Variants in RDH12 observed in about 807,000 individuals in gnomAD.
The protein encoded by RDH12 is retinol dehydrogenase 12, also known as all-trans and 9-cis retinol dehydrogenase.
In RDH12, 21 loss-of-function variants were observed where a neutral mutation model predicts 34.0. The observed-to-expected ratio is 0.62, with a 90% CI of 0.44 to 0.89. The LOEUF is 0.89. RDH12 is among the 40% of genes least tolerant of loss of function. The pLI is 0.00. For synonymous variants in RDH12, 198 were observed against 169.9 expected (o/e 1.17, Z -1.29); for missense variants, 394 against 398.6 (o/e 0.99, Z 0.10).
At chr14:67,709,987 C>T (rs1165772468) in intron 1 of RDH12, among the ~76,000 whole-genome samples, 1 of 152,194 alleles carries the variant, frequency 6.6e-6, no homozygotes, top group Admixed American at 6.5e-5. Context: ...AAAGGCTAAT[C>T]AGAAACTCAA....
chr14:67,704,985 G>C (rs1416989703), intron 1 of RDH12, among the ~76,000 whole-genome samples: 1 of 152,232 alleles, frequency 6.6e-6, no homozygotes, highest in African/African-American at 2.4e-5. Flanking sequence ...GCAGGTCTAG[G>C]TAGTCCAGGG....
chr14:67,722,323 G>C (rs980391053), intron 2 of RDH12, 101 bp from the exon 3 acceptor site: 1 of 457,334 alleles, frequency 2.2e-6, no homozygotes, highest in Non-Finnish European at 4.0e-6. Flanking sequence ...AAACAATTGA[G>C]GATGGGGGGT....
At chr14:67,702,620 G>A (rs971611003) in intron 1 of RDH12, among the ~76,000 whole-genome samples, 2 of 152,064 alleles carry the variant, frequency 1.3e-5, no homozygotes, top group Non-Finnish European at 2.9e-5. Context: ...TAATTTTAAA[G>A]CCAGTTTATT....
At chr14:67,731,207 C>CTTTTTTTTTTTTTTT (rs71129853) in intron 8 of RDH12, among the ~76,000 whole-genome samples, 5 of 90,612 alleles carry the variant, frequency 5.5e-5, no homozygotes, top group African/African-American at 9.8e-5. Context: ...TTCTTTCTTT[C>CTTTTTTTTTTTTTTT]TTTTTTTTTT....
At chr14:67,707,062 T>C (rs1196734156) in intron 1 of RDH12, among the ~76,000 whole-genome samples, 1 of 152,234 alleles carries the variant, frequency 6.6e-6, no homozygotes, top group East Asian at 1.9e-4. Context: ...TTTATGTATG[T>C]AAATAGGTTG....
At chr14:67,722,857 G>C in intron 3 of RDH12, 147 bp downstream of exon 3, 1 of 769,872 alleles carries the variant, frequency 1.3e-6, no homozygotes, top group Non-Finnish European at 2.3e-6. Flanking sequence ...GGGTGTTGTG[G>C]ATACCATGGT....
At chr14:67,727,450 C>T in intron 7 of RDH12, 21 of 404,418 alleles carry the variant, frequency 5.2e-5, no homozygotes, top group South Asian at 1.0e-4. Flanking sequence ...TTCACAGTAG[C>T]TTTTTGCAAC....
chr14:67,704,359 AT>A (rs1050179435), intron 1 of RDH12, among the ~76,000 whole-genome samples: 2 of 152,290 alleles, frequency 1.3e-5, no homozygotes, highest in African/African-American at 2.4e-5. Flanking sequence ...TTTTAAAATA[AT>A]TTTTTTAGAA....
chr14:67,729,226 G>A lies in RDH12; in HGVS notation c.694G>A (p.Val232Ile). 1.9e-6 allele frequency: 3 copies of A among 1,611,734 alleles called. No individual in the cohort carries two copies. Among genetic ancestry groups the A allele is most frequent in the Non-Finnish European group, 2.5e-6 (3 of 1,180,008 alleles). Reference sequence around the variant, plus strand: ...CACCACCTACGCAGTGCACCCAGGCGTCGTCCGCTCTGAGCTGGTCCGGCA... The same window carrying A: ...CACCACCTACGCAGTGCACCCAGGCATCGTCCGCTCTGAGCTGGTCCGGCA... ...GVTTYAVHPG[V>I]VRSELVRHSS... Residue 232 changes from valine to isoleucine, a missense_variant, in exon 8 of 9, where the codon GTC (valine) becomes ATC (isoleucine). Transcript: ENST00000551171.
intron 1 of RDH12, among the ~76,000 whole-genome samples, chr14:67,703,208 G>A (rs2037918738): frequency 6.6e-6 from 1 of 152,000 alleles, no homozygotes; most frequent in Admixed American, 6.5e-5. Flanking sequence ...AATTATTTTT[G>A]GAAAAAATTG....
At chr14:67,732,307 G>A (rs1267441285) in intron 8 of RDH12, among the ~76,000 whole-genome samples, 1 of 151,260 alleles carries the variant, frequency 6.6e-6, no homozygotes, top group Non-Finnish European at 1.5e-5. Flanking sequence ...GCATTGTGGT[G>A]CATGCCTGTA....
intron 1 of RDH12, among the ~76,000 whole-genome samples, chr14:67,704,312 G>A (rs529835199): frequency 4.6e-5 from 7 of 152,160 alleles, no homozygotes; most frequent in African/African-American, 7.2e-5. Flanking sequence ...TTTTCAAATC[G>A]TTTCACATAT....
intron 1 of RDH12, among the ~76,000 whole-genome samples, chr14:67,706,502 G>A (rs6573794): frequency 0.12 from 18,878 of 152,168 alleles, 1,209 homozygotes; most frequent in Admixed American, 0.15. Flanking sequence ...AATGAACATC[G>A]GTTTGGTCTG....
At chr14:67,732,939 T>C (rs1242816666) in intron 8 of RDH12, among the ~76,000 whole-genome samples, 5 of 151,952 alleles carry the variant, frequency 3.3e-5, no homozygotes, top group Non-Finnish European at 7.4e-5. Flanking sequence ...ACAGGACTTT[T>C]ATAATTAGAA....
chr14:67,717,874 G>C (rs1002381529), intron 1 of RDH12: 1 of 152,158 alleles, frequency 6.6e-6, no homozygotes, highest in South Asian at 2.1e-4. Context: ...GACCAGCATG[G>C]GCAACACAGT....
intron 7 of RDH12, 133 bp downstream of exon 7, chr14:67,727,323 T>C: frequency 1.3e-6 from 1 of 771,034 alleles, no homozygotes; most frequent in Non-Finnish European, 2.2e-6. Context: ...AATGAAATTA[T>C]GAATGGAATA....
At position 67,722,654 on chromosome 14, in the gene RDH12, C is replaced by T. The variant is rs1202568103; in HGVS notation, c.12C>T (p.Thr4=). 1 of 1,613,798 alleles carries T rather than the reference C, an allele frequency of 6.2e-7. No homozygotes were observed. Among genetic ancestry groups the T allele is most frequent in the Non-Finnish European group, 8.5e-7 (1 of 1,179,814 alleles). The change falls in exon 3 of 9, where the codon ACC becomes ACT. Residue 4 remains threonine (T), a synonymous_variant. Transcript: ENST00000551171. MLV[T]LGLLTSFFSF... is the part of the protein sequence containing the mutation. Reference sequence around the variant, plus strand: ...CAGAAGTTGGAACGATGCTGGTCACCTTGGGACTGCTCACCTCCTTCTTCT... The same window carrying T: ...CAGAAGTTGGAACGATGCTGGTCACTTTGGGACTGCTCACCTCCTTCTTCT...
chr14:67,716,357 T>A (rs1303725885), intron 1 of RDH12, among the ~76,000 whole-genome samples: 1 of 152,196 alleles, frequency 6.6e-6, no homozygotes, highest in Non-Finnish European at 1.5e-5. Context: ...TATATTTAAG[T>A]TGGACCTTAA....
At chr14:67,704,796 G>A (rs1039061718) in intron 1 of RDH12, among the ~76,000 whole-genome samples, 11 of 152,178 alleles carry the variant, frequency 7.2e-5, no homozygotes, top group East Asian at 5.8e-4. Flanking sequence ...AGCAGCTCTC[G>A]TTCTGAGACA....
Sources: allele counts gnomAD v4.1 joint callset (sites outside exome capture counted in the v4.1 genomes callset), GRCh38; gene constraint gnomAD v4.1.1; transcripts MANE v1.5; gene names NCBI Gene and HGNC (gene_info 2026-07-23, HGNC 2026-07-21).